Variants in HSPG2 observed in about 807,000 individuals in gnomAD.
HSPG2 encodes heparan sulfate proteoglycan 2, also known as basement membrane-specific heparan sulfate proteoglycan core protein.
Under a neutral mutation model 526.6 loss-of-function variants are expected in HSPG2, and 278 were observed. The ratio of observed to expected loss-of-function variants is 0.53; its 90% CI spans 0.48 to 0.58. The LOEUF (loss-of-function observed/expected upper bound fraction) is 0.58. Among genes scored for constraint, HSPG2 ranks in the 20% least tolerant of loss-of-function variants. HSPG2 has a pLI of 0.00. For missense variants in HSPG2, 5,354 were observed against 6,099.5 expected, an observed-to-expected ratio of 0.88 and a Z score of 4.07; for synonymous variants, 2,465 against 2,555.4, an observed-to-expected ratio of 0.96 and a Z score of 1.07.
Position 21,872,667 on chromosome 1 carries a change from TA to T in HSPG2, c.3981del (p.Cys1327Ter). 1 of 1,602,860 alleles carries T rather than the reference TA, an allele frequency of 6.2e-7. No homozygotes were observed. Among genetic ancestry groups the T allele is most frequent in the Non-Finnish European group, 8.5e-7 (1 of 1,175,982 alleles). ...CTGGCGCACTGCTGGGTGATGCCCATACAGAAGCAGGGCAGGCAGCCGTCTG... is the reference window on the plus strand; with the variant it reads ...CTGGCGCACTGCTGGGTGATGCCCATCAGAAGCAGGGCAGGCAGCCGTCTG... ...SNPDGCLPCF[C>X]MGITQQCASS... is the part of the protein sequence containing the mutation. On this transcript the variant is annotated frameshift_variant, in exon 32 of 97. Coordinates refer to ENST00000374695, the MANE Select transcript of HSPG2 (RefSeq NM_005529.7). LOFTEE classifies it high-confidence loss of function. This position sits in a 1 kb window ranked among gnomAD's most constrained non-coding sequence, Gnocchi z 5.5.
chr1:21,893,113 C>T lies in HSPG2; in HGVS notation c.245-2419G>A, dbSNP rs1458579131. 6.6e-6 allele frequency among the ~76,000 whole-genome samples: 1 copy of T among 152,150 alleles called. No homozygotes were observed. The highest frequency in any genetic ancestry group is 1.5e-5 in the Non-Finnish European group (1 of 68,032). On this transcript the variant is annotated intron_variant, in intron 3 of 96. Transcript: ENST00000374695. This position sits in a 1 kb window ranked among gnomAD's most constrained non-coding sequence, Gnocchi z 4.3. ...AGCCCTGGCCCCGGAGCAGGCTACT[C>T]ACCAACTCCTGATTCCCATCCCTGC...
rs1160026056 is a variant in HSPG2 at position 21,864,255 on chromosome 1, C to T, written c.4627-42G>A. 7.4e-6 allele frequency: 11 copies of T among 1,490,072 alleles called. No individual in the cohort carries two copies. The highest frequency in any genetic ancestry group is 9.2e-6 in the Non-Finnish European group (10 of 1,092,682). The allele number at this position is 1,490,072 out of a possible 1,614,324, so 92.3% of individuals were successfully genotyped here. ...AGGTTGGCCTCTGTTCCCAACGTGCCCCACCCACAGCCAGCAGACCCAGAA... is the reference window on the plus strand; with the variant it reads ...AGGTTGGCCTCTGTTCCCAACGTGCTCCACCCACAGCCAGCAGACCCAGAA... On this transcript the variant is annotated intron_variant, in intron 36 of 96. Coordinates refer to ENST00000374695, the MANE Select transcript of HSPG2 (RefSeq NM_005529.7). The surrounding 1 kb of genome is among the most constrained non-coding windows in gnomAD (Gnocchi z 4.8).
chr1:21,825,578 C>T (rs1206758436), intron 91 of HSPG2, among the ~76,000 whole-genome samples: 5 of 152,102 alleles, frequency 3.3e-5, no homozygotes, highest in Admixed American at 6.5e-5. Flanking sequence ...TCCCACAGGC[C>T]GGCACTGGCC....
At chr1:21,930,650 T>C (rs1317972209) in intron 1 of HSPG2, among the ~76,000 whole-genome samples, 1 of 152,060 alleles carries the variant, frequency 6.6e-6, no homozygotes, top group African/African-American at 2.4e-5. Flanking sequence ...GGCGTGTTCC[T>C]GTAATCCCAG....
At chr1:21,830,831 G>A (rs1032885690) in intron 85 of HSPG2, 151 bp downstream of exon 85, 6 of 642,634 alleles carry the variant, frequency 9.3e-6, no homozygotes, top group East Asian at 5.5e-5. Context: ...GCAGAGATGG[G>A]GGATGGGTAC....
chr1:21,865,073 C>T lies in HSPG2; in HGVS notation c.4396G>A (p.Glu1466Lys). Residue 1466 changes from glutamate to lysine, a missense_variant and splice_region_variant, in exon 36 of 97, where the codon GAA becomes AAA. Transcript: ENST00000374695. The surrounding 1 kb of genome is among the most constrained non-coding windows in gnomAD (Gnocchi z 5.4). ...TGCCCATCGGGCCGGCGCCAGAATT[C>T]CTGGGTTGGGGGTGGCAACGTGGGC... ...RRSYEIMFRE[E>K]FWRRPDGQPA... 6.4e-7 allele frequency: 1 copy of T among 1,562,268 alleles called. No homozygotes were observed. Among genetic ancestry groups the T allele is most frequent in the Non-Finnish European group, 8.6e-7 (1 of 1,156,632 alleles).
At position 21,887,423 on chromosome 1, in the gene HSPG2, A is replaced by G. The variant is rs1344661573; in HGVS notation, c.955T>C (p.Cys319Arg). ...CTGCACCCCTGCCGGTGCGCACCACAGTCTAGCTCATCGCTGCCGTCCTCG... is the reference window on the plus strand; with the variant it reads ...CTGCACCCCTGCCGGTGCGCACCACGGTCTAGCTCATCGCTGCCGTCCTCG... ...DCEDGSDELD[C>R]GPPPPCEPNE... Residue 319 changes from cysteine to arginine, a missense_variant, in exon 8 of 97, where the codon TGT (cysteine) becomes CGT (arginine). By Grantham distance (180) the Cys-to-Arg change is radical. Coordinates refer to ENST00000374695, the MANE Select transcript of HSPG2 (RefSeq NM_005529.7). The surrounding 1 kb of genome is among the most constrained non-coding windows in gnomAD (Gnocchi z 5.0). 8.1e-6 allele frequency: 13 copies of G among 1,613,960 alleles called. No individual in the cohort carries two copies. In the East Asian group the frequency reaches 1.1e-4, roughly 14 times the overall value.
chr1:21,833,675 C>T, intron 78 of HSPG2, 61 bp from the exon 79 acceptor site: 1 of 1,606,368 alleles, frequency 6.2e-7, no homozygotes, highest in East Asian at 2.2e-5. Context: ...GGCCCACCTC[C>T]CATCTGTGCC....
In HSPG2 at chr1:21,848,962, C is replaced by T. The variant is rs1207382505; in HGVS notation, c.7516G>A (p.Val2506Ile). The change falls in exon 58 of 97, where the codon GTC (valine) becomes ATC (isoleucine). Residue 2506 changes from valine (V) to isoleucine (I), a missense_variant. Physicochemically the swap from Val to Ile is conservative, Grantham distance 29. Coordinates refer to ENST00000374695, the MANE Select transcript of HSPG2 (RefSeq NM_005529.7). This position sits in a 1 kb window ranked among gnomAD's most constrained non-coding sequence, Gnocchi z 4.9. ...ADSGEYVCRV[V>I]GSSGTQEASV... ...GCTTCCTGGGTACCTGAGCTGCCGACCACACGGCACACGTACTCCCCTGAA... is the reference window on the plus strand; with the variant it reads ...GCTTCCTGGGTACCTGAGCTGCCGATCACACGGCACACGTACTCCCCTGAA... 3.7e-6 allele frequency: 6 copies of T among 1,613,936 alleles called. No homozygotes were observed. The highest frequency in any genetic ancestry group is 5.1e-6 in the Non-Finnish European group (6 of 1,180,012).
At chr1:21,934,788 G>C (rs541451450) in intron 1 of HSPG2, among the ~76,000 whole-genome samples, 116 of 152,130 alleles carry the variant, frequency 7.6e-4, no homozygotes, top group African/African-American at 2.7e-3. Flanking sequence ...GTAGAGACAG[G>C]GTTTCACTAT....
intron 3 of HSPG2, among the ~76,000 whole-genome samples, chr1:21,892,785 G>C (rs550324044): frequency 1.3e-5 from 2 of 149,386 alleles, no homozygotes; most frequent in Admixed American, 1.3e-4. Context: ...TTGAATCAGG[G>C]AGGCAGAGGT....
At position 21,859,108 on chromosome 1, in the gene HSPG2, C is replaced by T. The variant is rs1246896660; in HGVS notation, c.5293+458G>A. Among the ~76,000 whole-genome samples the T allele has an allele frequency of 4.6e-5, 7 of 151,926 alleles. No homozygotes were observed. Among genetic ancestry groups the T allele is most frequent in the Non-Finnish European group, 5.9e-5 (4 of 67,978 alleles). Reference sequence around the variant, plus strand: ...TGTTGCCCAGGCTGGAGTGCAGTGGCGCAATCTTGGCTCACTGCAACCTCC... The same window carrying T: ...TGTTGCCCAGGCTGGAGTGCAGTGGTGCAATCTTGGCTCACTGCAACCTCC... On this transcript the variant is annotated intron_variant, in intron 42 of 96. Coordinates refer to ENST00000374695, the MANE Select transcript of HSPG2 (RefSeq NM_005529.7). The surrounding 1 kb of genome is among the most constrained non-coding windows in gnomAD (Gnocchi z 5.3).
chr1:21,864,822 T>G lies in HSPG2; in HGVS notation c.4626+21A>C. 6.3e-7 allele frequency: 1 copy of G among 1,590,334 alleles called. No individual in the cohort carries two copies. Among genetic ancestry groups the G allele is most frequent in the Non-Finnish European group, 8.6e-7 (1 of 1,165,574 alleles). Reference sequence around the variant, plus strand: ...TGCCTCTGTGCCTGTGCAGAGGTGGTGGAGCTGGCCACACACTCACCTGGC... The same window carrying G: ...TGCCTCTGTGCCTGTGCAGAGGTGGGGGAGCTGGCCACACACTCACCTGGC... On this transcript the variant is annotated intron_variant, in intron 36 of 96. Transcript: ENST00000374695. This position sits in a 1 kb window ranked among gnomAD's most constrained non-coding sequence, Gnocchi z 4.8.
In HSPG2 at chr1:21,827,893, C is replaced by G; in HGVS notation, c.12559G>C (p.Asp4187His). The change falls in exon 91 of 97, where the codon GAC (aspartate) becomes CAC (histidine). Residue 4187 changes from aspartate to histidine, a missense_variant. Coordinates refer to ENST00000374695, the MANE Select transcript of HSPG2 (RefSeq NM_005529.7). ...CCCCCGCTGCCTTCAAGATGCCAGT[C>G]GGACTCTGCTATGCCATGTCCAGAG... ...QGSGHGIAES[D>H]WHLEGSGGND... 6.3e-7 allele frequency: 1 copy of G among 1,595,648 alleles called. No homozygotes were observed. Among genetic ancestry groups the G allele is most frequent in the Non-Finnish European group, 8.5e-7 (1 of 1,171,396 alleles).
intron 1 of HSPG2, among the ~76,000 whole-genome samples, chr1:21,921,699 AC>A (rs1446128113): frequency 6.6e-6 from 1 of 151,992 alleles, no homozygotes; most frequent in East Asian, 1.9e-4. Flanking sequence ...GGGCTGCGGC[AC>A]CCCCAGCATC....
chr1:21,844,992 A>G (rs1638311455), intron 64 of HSPG2, among the ~76,000 whole-genome samples: 1 of 152,210 alleles, frequency 6.6e-6, no homozygotes, highest in African/African-American at 2.4e-5. Context: ...TCACGCCTGT[A>G]ATCCCAGCAC....
chr1:21,854,104 CCT>C (rs1639138364), intron 50 of HSPG2, 87 bp downstream of exon 50: 6 of 1,403,008 alleles, frequency 4.3e-6, no homozygotes, highest in Non-Finnish European at 4.8e-6. Context: ...GGAATGCCCC[CCT>C]GTCCTGGTCC....
chr1:21,884,283 G>C (rs1257089293), intron 13 of HSPG2, among the ~76,000 whole-genome samples: 1 of 152,188 alleles, frequency 6.6e-6, no homozygotes, highest in Non-Finnish European at 1.5e-5. Flanking sequence ...GAAGCTGGAA[G>C]CTGGCTCCAG....
chr1:21,839,677 G>GC lies in HSPG2; in HGVS notation c.9710-128dup, dbSNP rs2098040929. 1 of 1,385,230 alleles carries GC rather than the reference G, an allele frequency of 7.2e-7. No individual in the cohort carries two copies. The allele number at this position is 1,385,230 out of a possible 1,614,324, so 85.8% of individuals were successfully genotyped here. A position where few individuals can be genotyped will look rare whatever the true frequency, so the allele number is the denominator to read the frequency against. On this transcript the variant is annotated intron_variant, in intron 72 of 96. Transcript: ENST00000374695. This position sits in a 1 kb window ranked among gnomAD's most constrained non-coding sequence, Gnocchi z 4.5. ...ATGGGGACCCCAGTTGGGTTCCTCG[G>GC]CCATCACTGGGGGATGCTAGCAACA...
Sources: gnomAD v4.1 joint callset for allele counts (sites outside exome capture counted in the v4.1 genomes callset) on GRCh38, gnomAD v4.1.1 for gene constraint, Gnocchi (gnomAD v3.1) non-coding constraint, MANE v1.5 for transcripts, NCBI Gene and HGNC (gene_info 2026-07-23, HGNC 2026-07-21) for gene names.